Variants in CPZ observed in about 807,000 individuals in gnomAD.
The protein encoded by CPZ is VEZT/CPZ fusion.
A neutral mutation model predicts 61.8 loss-of-function variants in CPZ; 103 were observed. The observed-to-expected ratio is 1.67, with a 90% CI of 1.42 to 1.96. The LOEUF (loss-of-function observed/expected upper bound fraction) is 1.96. CPZ is among the 30% of genes most tolerant of loss of function. The pLI, the probability that CPZ is intolerant of heterozygous loss-of-function variation, is 0.00. For synonymous variants in CPZ, 551 were observed against 373.7 expected, an observed-to-expected ratio of 1.47 and a Z score of -5.47; for missense variants, 1,461 against 914.9, an observed-to-expected ratio of 1.60 and a Z score of -7.70.
At chr4:8,608,082 G>C (rs1015937845) in intron 7 of CPZ, among the ~76,000 whole-genome samples, 13 of 152,224 alleles carry the variant, frequency 8.5e-5, no homozygotes, top group Admixed American at 7.8e-4. Flanking sequence ...CCACACTGTG[G>C]ATAAGAAAGC....
At chr4:8,610,674 G>A (rs146964789) in intron 7 of CPZ, among the ~76,000 whole-genome samples, 89 of 152,316 alleles carry the variant, frequency 5.8e-4, no homozygotes, top group Non-Finnish European at 1.1e-3. Flanking sequence ...GGGAAAGTCC[G>A]CTGAGGCTTC....
Position 8,614,503 on chromosome 4 carries a change from G to C in CPZ, c.1503+5G>C. 2 of 1,612,748 alleles carry C rather than the reference G, an allele frequency of 1.2e-6. No homozygotes were observed. Among genetic ancestry groups the C allele is most frequent in the Non-Finnish European group, 1.7e-6 (2 of 1,179,252 alleles). ...CTCCTGAATTTCGTGGAGACGGTGA[G>C]TTCTGACGGTCTCAGGGCTCTGGTC... On this transcript the variant is annotated splice_donor_5th_base_variant and intron_variant, in intron 9 of 10. Transcript: ENST00000360986.
intron 1 of CPZ, among the ~76,000 whole-genome samples, chr4:8,593,658 G>A (rs1713962912): frequency 6.6e-6 from 1 of 152,136 alleles, no homozygotes; most frequent in African/African-American, 2.4e-5. Flanking sequence ...CGGGAGTGGG[G>A]CCGTGTGTGG....
Position 8,605,319 on chromosome 4 carries a change from T to TCCATCCATCC in CPZ, c.710-670_710-669insCCATCCATCC, listed in dbSNP as rs1560293797. On this transcript the variant is annotated intron_variant, in intron 4 of 10. Coordinates refer to ENST00000360986, the MANE Select transcript of CPZ (RefSeq NM_001014447.3). ...CTCTTCTTCCTATAGTCCATTCATT[T>TCCATCCATCC]ATTCATCCATCCATCCATCCATCCA... Among the ~76,000 whole-genome samples the TCCATCCATCC allele has an allele frequency of 0.017, 410 of 23,902 alleles. 6 individuals carry two copies. The East Asian group carries it at 0.26, about 15-fold the overall frequency. The allele number at this position is 23,902 out of a possible 152,430, so 15.7% of individuals were successfully genotyped here. A position where few individuals can be genotyped will look rare whatever the true frequency, so the allele number is the denominator to read the frequency against.
chr4:8,598,837 C>G (rs561882963), intron 1 of CPZ, among the ~76,000 whole-genome samples: 1 of 152,208 alleles, frequency 6.6e-6, no homozygotes. Flanking sequence ...CCTCGAAACC[C>G]CACGATTGTG....
At chr4:8,606,689 G>A (rs1289754000) in intron 5 of CPZ, 48 bp from the exon 6 acceptor site, 5 of 1,611,666 alleles carry the variant, frequency 3.1e-6, no homozygotes, top group Non-Finnish European at 4.2e-6. Context: ...GAAGGAGGAG[G>A]GTGGGGTGTG....
Position 8,604,119 on chromosome 4 carries a change from G to A in CPZ, c.640G>A (p.Gly214Arg), listed in dbSNP as rs749305362. ...CCACGTGGCCAGGACCTACAGCATC[G>A]GGCGCAGCTTCGACGGCAGGGAGCT... ...CAHVARTYSI[G>R]RSFDGRELLV... Residue 214 changes from glycine to arginine, a missense_variant, in exon 4 of 11, where the codon GGG becomes AGG. Coordinates refer to ENST00000360986, the MANE Select transcript of CPZ (RefSeq NM_001014447.3). The A allele has an allele frequency of 2.8e-5, 45 of 1,600,934 alleles. No homozygotes were observed. Among genetic ancestry groups the A allele is most frequent in the East Asian group, 9.1e-5 (4 of 44,176 alleles).
At position 8,616,596 on chromosome 4, in the gene CPZ, A is replaced by G. The variant is rs77318336; in HGVS notation, c.1504-1833A>G. On this transcript the variant is annotated intron_variant, in intron 9 of 10. Coordinates refer to ENST00000360986, the MANE Select transcript of CPZ (RefSeq NM_001014447.3). Reference sequence around the variant, plus strand: ...AGGAGGAGTGTGAGCTGTGTTTTGAAGGGAGGGAAGGAATCGGCCCGGTGA... The same window carrying G: ...AGGAGGAGTGTGAGCTGTGTTTTGAGGGGAGGGAAGGAATCGGCCCGGTGA... Among the ~76,000 whole-genome samples, 375 of 152,042 alleles carry G rather than the reference A, an allele frequency of 2.5e-3. 2 individuals are homozygous for G. The highest frequency in any genetic ancestry group is 8.6e-3 in the African/African-American group (356 of 41,480).
At chr4:8,610,849 T>G (rs376794907) in intron 7 of CPZ, among the ~76,000 whole-genome samples, 25 of 152,150 alleles carry the variant, frequency 1.6e-4, no homozygotes, top group African/African-American at 6.0e-4. Flanking sequence ...TGAGTCCAGA[T>G]GGCACAGCCT....
rs762508406 is a variant in CPZ at position 8,607,310 on chromosome 4, T to C, written c.1112T>C (p.Ile371Thr). Residue 371 changes from isoleucine (I) to threonine (T), a missense_variant, in exon 7 of 11, where the codon ATA (isoleucine) becomes ACA (threonine). Coordinates refer to ENST00000360986, the MANE Select transcript of CPZ (RefSeq NM_001014447.3). The stretch of plus-strand genomic sequence containing the variant: ...GCAATCATGAAGTGGATGCAGACCA[T>C]ACCCTTTGTGCTCTCAGCCAGCCTT... ...TKAIMKWMQT[I>T]PFVLSASLHG... 3.7e-6 allele frequency: 6 copies of C among 1,613,990 alleles called. No homozygotes were observed. Among genetic ancestry groups the C allele is most frequent in the Middle Eastern group, 1.6e-4 (1 of 6,082 alleles).
chr4:8,615,579 C>T (rs888092027), intron 9 of CPZ, among the ~76,000 whole-genome samples: 1 of 152,208 alleles, frequency 6.6e-6, no homozygotes, highest in African/African-American at 2.4e-5. Flanking sequence ...GGTTCTGACA[C>T]CAGGCCGGGC....
chr4:8,596,208 T>C (rs1046842779), intron 1 of CPZ, among the ~76,000 whole-genome samples: 26 of 152,286 alleles, frequency 1.7e-4, no homozygotes, highest in Admixed American at 1.3e-4. Flanking sequence ...TGTGCCACCA[T>C]GCCCGGCTAA....
At chr4:8,612,185 C>A (rs145520245) in intron 8 of CPZ, 23 bp downstream of exon 8, 23,385 of 248,868 alleles carry the variant, frequency 0.094, 547 homozygotes, top group East Asian at 0.23. Flanking sequence ...CAGGGCGGGA[C>A]TGGGCGGGGG....
intron 6 of CPZ, 63 bp downstream of exon 6, chr4:8,606,961 A>G (rs1048281837): frequency 2.0e-6 from 3 of 1,515,284 alleles, no homozygotes; most frequent in East Asian, 2.5e-5. Flanking sequence ...TAGTTATTCC[A>G]GGCTCTCTGG....
intron 8 of CPZ, among the ~76,000 whole-genome samples, chr4:8,614,120 GATC>G (rs1715950400): frequency 1.3e-5 from 2 of 152,222 alleles, no homozygotes; most frequent in Non-Finnish European, 2.9e-5. Context: ...GCAAAGTGGG[GATC>G]ATATGGTCCA....
rs553564054 is a variant in CPZ at position 8,611,166 on chromosome 4, G to T, written c.1228-861G>T. 1.1e-4 allele frequency: 48 copies of T among 442,226 alleles called. 3 individuals are homozygous for T. Among genetic ancestry groups the T allele is most frequent in the South Asian group, 7.3e-4 (47 of 64,290 alleles). The allele number at this position is 442,226 out of a possible 1,614,324, so 27.4% of individuals were successfully genotyped here. A position where few individuals can be genotyped will look rare whatever the true frequency, so the allele number is the denominator to read the frequency against. ...CTCCACTCCTCCTTTCTGACAGAGG[G>T]AGCCCCCTCCTCAGCACAGACCTGT... On this transcript the variant is annotated intron_variant, in intron 7 of 10. Coordinates refer to ENST00000360986, the MANE Select transcript of CPZ (RefSeq NM_001014447.3).
At chr4:8,593,849 C>T (rs183990923) in intron 1 of CPZ, among the ~76,000 whole-genome samples, 2 of 152,296 alleles carry the variant, frequency 1.3e-5, no homozygotes, top group African/African-American at 4.8e-5. Context: ...CACCTCTGCT[C>T]CTCGCCTTAC....
intron 1 of CPZ, among the ~76,000 whole-genome samples, chr4:8,594,928 G>A (rs563401329): frequency 1.6e-4 from 24 of 152,144 alleles, no homozygotes; most frequent in East Asian, 1.6e-3. Context: ...ATCTGCCACC[G>A]CGCCCAACTA....
At chr4:8,608,427 T>G (rs1238476206) in intron 7 of CPZ, among the ~76,000 whole-genome samples, 2 of 152,162 alleles carry the variant, frequency 1.3e-5, no homozygotes, top group African/African-American at 2.4e-5. Context: ...TTGTTCTCCT[T>G]TCTGAGGCCA....
Sources: gnomAD v4.1 joint callset for allele counts (sites outside exome capture counted in the v4.1 genomes callset) on GRCh38, gnomAD v4.1.1 for gene constraint, MANE v1.5 for transcripts, NCBI Gene and HGNC (gene_info 2026-07-23, HGNC 2026-07-21) for gene names.